The following ADAMTSL1 variants were observed in gnomAD, a reference collection of about 807,000 sequenced individuals.
ADAMTSL1 encodes the protein ADAMTS like 1, also known as ADAMTS-like protein 1.
A neutral mutation model predicts 201.8 loss-of-function variants in ADAMTSL1; 126 were observed. That is an observed-to-expected ratio of 0.62 (90% CI 0.54 to 0.72). The LOEUF is 0.72. Among genes scored for constraint, ADAMTSL1 ranks in the 30% least tolerant of loss-of-function variants. ADAMTSL1 has a pLI of 0.00. For synonymous variants in ADAMTSL1, 1,121 were observed against 903.4 expected, an observed-to-expected ratio of 1.24 and a Z score of -4.32; for missense variants, 2,679 against 2,277.8, an observed-to-expected ratio of 1.18 and a Z score of -3.59.
chr9:18,435,907 C>T (rs10963606), intron 2 of ADAMTSL1, among the ~76,000 whole-genome samples: 33,445 of 152,074 alleles, frequency 0.22, 3,992 homozygotes, highest in East Asian at 0.45. Context: ...GGGTTCCTCC[C>T]ACCACAGGTG....
intron 2 of ADAMTSL1, among the ~76,000 whole-genome samples, chr9:18,345,669 G>A (rs926629616): frequency 2.6e-5 from 4 of 152,082 alleles, no homozygotes; most frequent in Admixed American, 2.6e-4. Flanking sequence ...TTATCTTAGG[G>A]TAAACACTGC....
At chr9:18,154,896 C>T (rs554756645) in intron 1 of ADAMTSL1, among the ~76,000 whole-genome samples, 3 of 152,102 alleles carry the variant, frequency 2.0e-5, no homozygotes, top group Admixed American at 6.6e-5. Flanking sequence ...CTTTAAGTTA[C>T]ATATACAATT....
chr9:18,467,058 A>G (rs1245834752), intron 2 of ADAMTSL1, among the ~76,000 whole-genome samples: 2 of 152,222 alleles, frequency 1.3e-5, no homozygotes, highest in Admixed American at 6.5e-5. Flanking sequence ...TAATTTAACA[A>G]ACATTTATCT....
intron 2 of ADAMTSL1, among the ~76,000 whole-genome samples, chr9:18,339,809 T>C (rs1203863520): frequency 1.3e-5 from 2 of 152,110 alleles, no homozygotes; most frequent in African/African-American, 4.8e-5. Flanking sequence ...CATTTAAATG[T>C]CTTCAAGATT....
chr9:18,366,014 T>C (rs1409415786), intron 2 of ADAMTSL1, among the ~76,000 whole-genome samples: 3 of 152,196 alleles, frequency 2.0e-5, no homozygotes, highest in African/African-American at 7.2e-5. Context: ...AAAAATTGTC[T>C]TTCACGAAAC....
intron 23 of ADAMTSL1, among the ~76,000 whole-genome samples, chr9:18,870,179 C>T (rs1827798600): frequency 1.3e-5 from 2 of 152,274 alleles, no homozygotes; most frequent in South Asian, 2.1e-4. Flanking sequence ...TGCTTAAAGT[C>T]AGTGTCCACT....
chr9:17,992,351 C>A (rs959707883), intron 1 of ADAMTSL1, among the ~76,000 whole-genome samples: 1 of 152,110 alleles, frequency 6.6e-6, no homozygotes, highest in African/African-American at 2.4e-5. Flanking sequence ...TACTTTGTTG[C>A]TTGTAAAATA....
At chr9:18,160,350 G>C (rs1262984636) in intron 1 of ADAMTSL1, among the ~76,000 whole-genome samples, 1 of 152,010 alleles carries the variant, frequency 6.6e-6, no homozygotes, top group Non-Finnish European at 1.5e-5. Flanking sequence ...ATTCCTGCGA[G>C]TGAATAATGG....
intron 23 of ADAMTSL1, among the ~76,000 whole-genome samples, chr9:18,887,405 A>C (rs1481164084): frequency 1.3e-5 from 2 of 152,218 alleles, no homozygotes; most frequent in African/African-American, 4.8e-5. Flanking sequence ...ACTTTTACCA[A>C]ATCAAGTTTG....
chr9:18,472,575 C>T (rs1313793356), upstream of ADAMTSL1, among the ~76,000 whole-genome samples: 2 of 152,126 alleles, frequency 1.3e-5, no homozygotes, highest in African/African-American at 4.8e-5. Flanking sequence ...AGTAGGTAAC[C>T]TAAAGTTGAA....
intron 1 of ADAMTSL1, among the ~76,000 whole-genome samples, chr9:18,148,629 AAC>A (rs1200445951): frequency 2.0e-5 from 3 of 152,042 alleles, no homozygotes; most frequent in African/African-American, 7.2e-5. Flanking sequence ...GGATATTGAT[AAC>A]AGTTGATGAT....
chr9:18,805,485 A>G (rs10120505), intron 20 of ADAMTSL1, among the ~76,000 whole-genome samples: 33,316 of 152,148 alleles, frequency 0.22, 3,899 homozygotes, highest in Non-Finnish European at 0.24. Context: ...GATAGCTAGC[A>G]TTTATTCAAA....
chr9:18,090,005 A>G (rs1347916800), intron 1 of ADAMTSL1, among the ~76,000 whole-genome samples: 1 of 152,222 alleles, frequency 6.6e-6, no homozygotes, highest in Non-Finnish European at 1.5e-5. Flanking sequence ...AGAAGTTGTT[A>G]CAGTGTTTTA....
chr9:18,698,912 A>T (rs781328514), intron 13 of ADAMTSL1, among the ~76,000 whole-genome samples: 1 of 152,164 alleles, frequency 6.6e-6, no homozygotes, highest in East Asian at 1.9e-4. Flanking sequence ...ACCCTCCGTT[A>T]GTAAGACTCC....
At chr9:18,881,720 C>T (rs1828547941) in intron 23 of ADAMTSL1, among the ~76,000 whole-genome samples, 1 of 152,124 alleles carries the variant, frequency 6.6e-6, no homozygotes, top group African/African-American at 2.4e-5. Context: ...CAATTTGTAA[C>T]AAATGCAGGA....
intron 19 of ADAMTSL1, among the ~76,000 whole-genome samples, chr9:18,783,902 T>G (rs2133791589): frequency 6.6e-6 from 1 of 152,360 alleles, no homozygotes; most frequent in South Asian, 2.1e-4. Flanking sequence ...ACCATGCTAC[T>G]GCCAGAGCAT....
chr9:18,279,657 A>C (rs1288094581), intron 2 of ADAMTSL1, among the ~76,000 whole-genome samples: 1 of 151,978 alleles, frequency 6.6e-6, no homozygotes, highest in Non-Finnish European at 1.5e-5. Context: ...CAACTTAGAT[A>C]ATTCAAAATA....
intron 2 of ADAMTSL1, among the ~76,000 whole-genome samples, chr9:18,506,042 T>C (rs1244647864): frequency 6.6e-6 from 1 of 152,238 alleles, no homozygotes; most frequent in African/African-American, 2.4e-5. Flanking sequence ...TAACCTGAGA[T>C]GTATCCAACA....
chr9:17,923,182 T>G (rs1826376617), intron 1 of ADAMTSL1, among the ~76,000 whole-genome samples: 1 of 151,596 alleles, frequency 6.6e-6, no homozygotes, highest in Non-Finnish European at 1.5e-5. Context: ...GTGAAGAAAG[T>G]CGTTGGTAGC....
Sources: allele counts gnomAD v4.1 joint callset (sites outside exome capture counted in the v4.1 genomes callset), GRCh38; gene constraint gnomAD v4.1.1; transcripts MANE v1.5; gene names NCBI Gene and HGNC (gene_info 2026-07-23, HGNC 2026-07-21).